Variants in PLPPR1 observed in about 807,000 individuals in gnomAD.
PLPPR1 encodes the protein phospholipid phosphatase related 1, also known as phospholipid phosphatase-related protein type 1.
In PLPPR1, 10 loss-of-function variants were observed where a neutral mutation model predicts 33.1. The observed-to-expected ratio is 0.30, with a 90% confidence interval of 0.19 to 0.51. The LOEUF (loss-of-function observed/expected upper bound fraction) is 0.51, where lower values mean the gene tolerates loss of function less well. PLPPR1 is among the 20% of genes least tolerant of loss of function. The pLI, the probability that PLPPR1 is intolerant of heterozygous loss-of-function variation, is 0.97. For missense variants in PLPPR1, 304 were observed against 408.1 expected, an observed-to-expected ratio of 0.74 and a Z score of 2.20; for synonymous variants, 151 against 151.0, an observed-to-expected ratio of 1.00 and a Z score of 0.00.
chr9:101,042,023 G>A (rs1243444835), intron 1 of PLPPR1, among the ~76,000 whole-genome samples: 1 of 152,044 alleles, frequency 6.6e-6, no homozygotes, highest in Non-Finnish European at 1.5e-5. Flanking sequence ...GGCAGGTGGT[G>A]GAAAGCTAAA....
chr9:101,107,994 G>T lies in PLPPR1; in HGVS notation c.-45-77456G>T, dbSNP rs4743442. 3.4e-5 allele frequency among the ~76,000 whole-genome samples: 5 copies of T among 148,570 alleles called. No individual in the cohort carries two copies. The East Asian group carries it at 8.2e-4, about 24-fold the overall frequency. On this transcript the variant is annotated intron_variant, in intron 1 of 7. Transcript: ENST00000374874. ...CGCTTCCCAGGTGAGGCAATGCCTCGCCCTGCTTCGGCTCGCGCACGGTGC... is the reference window on the plus strand; with the variant it reads ...CGCTTCCCAGGTGAGGCAATGCCTCTCCCTGCTTCGGCTCGCGCACGGTGC...
intron 1 of PLPPR1, among the ~76,000 whole-genome samples, chr9:101,087,791 T>A (rs2118525430): frequency 6.6e-6 from 1 of 152,366 alleles, no homozygotes; most frequent in Non-Finnish European, 1.5e-5. Flanking sequence ...GATCGTAATC[T>A]TTTCTAGAAG....
intron 4 of PLPPR1, among the ~76,000 whole-genome samples, chr9:101,307,026 C>T (rs569463674): frequency 8.5e-5 from 13 of 152,294 alleles, no homozygotes; most frequent in African/African-American, 3.1e-4. Flanking sequence ...CTGCATGGGG[C>T]AGGTGGGCTT....
chr9:101,234,277 T>C (rs1458689866), intron 2 of PLPPR1, among the ~76,000 whole-genome samples: 1 of 151,922 alleles, frequency 6.6e-6, no homozygotes, highest in Non-Finnish European at 1.5e-5. Flanking sequence ...GTAGAAAGTA[T>C]AAGGAGAAGA....
chr9:101,033,929 T>G (rs1054988698), intron 1 of PLPPR1, among the ~76,000 whole-genome samples: 1 of 152,068 alleles, frequency 6.6e-6, no homozygotes, highest in Non-Finnish European at 1.5e-5. Flanking sequence ...TTGAAAAGGT[T>G]GAAAGTAGGG....
chr9:101,111,780 C>T (rs1831060582), intron 1 of PLPPR1, among the ~76,000 whole-genome samples: 1 of 152,146 alleles, frequency 6.6e-6, no homozygotes, highest in African/African-American at 2.4e-5. Flanking sequence ...AGTGCAAATG[C>T]TTGCATTTCT....
chr9:101,141,986 C>T (rs529978745), intron 1 of PLPPR1, among the ~76,000 whole-genome samples: 6 of 152,262 alleles, frequency 3.9e-5, no homozygotes, highest in Admixed American at 3.9e-4. Flanking sequence ...TTCTTGGGCC[C>T]AATTGGTTCT....
intron 1 of PLPPR1, among the ~76,000 whole-genome samples, chr9:101,101,424 A>G (rs953831339): frequency 1.3e-5 from 2 of 151,846 alleles, no homozygotes; most frequent in Admixed American, 6.6e-5. Context: ...TTGTTACTGT[A>G]TGTCACCTTT....
At position 101,046,609 on chromosome 9, in the gene PLPPR1, T is replaced by C. The variant is rs370429119; in HGVS notation, c.-46+17507T>C. 5.3e-5 allele frequency among the ~76,000 whole-genome samples: 8 copies of C among 151,984 alleles called. No individual in the cohort carries two copies. In the South Asian group the frequency reaches 1.7e-3, roughly 32 times the overall value. ...CGTCTGCCACCACGCCCAGCTAATTTTTTTGTGTGTTTTTAGTAGAGACAA... is the reference window on the plus strand; with the variant it reads ...CGTCTGCCACCACGCCCAGCTAATTCTTTTGTGTGTTTTTAGTAGAGACAA... On this transcript the variant is annotated intron_variant, in intron 1 of 7. Coordinates refer to ENST00000374874, the MANE Select transcript of PLPPR1 (RefSeq NM_207299.2).
chr9:101,290,932 C>T (rs538490347), intron 4 of PLPPR1, among the ~76,000 whole-genome samples: 29 of 152,286 alleles, frequency 1.9e-4, no homozygotes, highest in African/African-American at 6.3e-4. Flanking sequence ...AGACAGTGGG[C>T]GCAGGACAGT....
intron 2 of PLPPR1, among the ~76,000 whole-genome samples, chr9:101,203,439 G>C (rs1325345809): frequency 6.6e-6 from 1 of 152,092 alleles, no homozygotes; most frequent in East Asian, 1.9e-4. Flanking sequence ...CTTCATTCTT[G>C]TGTAAACTTG....
intron 1 of PLPPR1, among the ~76,000 whole-genome samples, chr9:101,155,784 G>A (rs950863960): frequency 1.5e-4 from 23 of 152,168 alleles, no homozygotes; most frequent in Admixed American, 1.2e-3. Context: ...ATTTTTAGTA[G>A]AGATGGGGTT....
chr9:101,111,675 C>G (rs1418021401), intron 1 of PLPPR1, among the ~76,000 whole-genome samples: 1 of 152,118 alleles, frequency 6.6e-6, no homozygotes, highest in Non-Finnish European at 1.5e-5. Context: ...CTGTCAGTTA[C>G]TTTGTGAAAA....
At chr9:101,029,219 T>C (rs1205354996) in intron 1 of PLPPR1, 117 bp downstream of exon 1, 1 of 153,470 alleles carries the variant, frequency 6.5e-6, no homozygotes, top group African/African-American at 2.4e-5. Context: ...GCCTTGCTTG[T>C]GGGTGTCGAG....
At chr9:101,223,443 C>G (rs949516533) in intron 2 of PLPPR1, among the ~76,000 whole-genome samples, 1 of 152,026 alleles carries the variant, frequency 6.6e-6, no homozygotes, top group Non-Finnish European at 1.5e-5. Flanking sequence ...AACATCCAGT[C>G]ACTTTAGTTG....
chr9:101,127,254 A>G (rs1202121947), intron 1 of PLPPR1, among the ~76,000 whole-genome samples: 3 of 152,026 alleles, frequency 2.0e-5, no homozygotes, highest in African/African-American at 7.2e-5. Flanking sequence ...GGTCTTTGTC[A>G]CCCCATGTTG....
At chr9:101,087,041 T>A (rs901877063) in intron 1 of PLPPR1, among the ~76,000 whole-genome samples, 1 of 152,022 alleles carries the variant, frequency 6.6e-6, no homozygotes. Context: ...TAGCTAGGCA[T>A]GGTGATGTAC....
At chr9:101,172,154 C>T (rs545154468) in intron 1 of PLPPR1, among the ~76,000 whole-genome samples, 1 of 152,120 alleles carries the variant, frequency 6.6e-6, no homozygotes, top group Non-Finnish European at 1.5e-5. Context: ...TGTTGTGGAA[C>T]TCATATTAGA....
Position 101,294,896 on chromosome 9 carries a change from C to T in PLPPR1, c.385+8660C>T, listed in dbSNP as rs375801045. Among the ~76,000 whole-genome samples, 80 of 152,258 alleles carry T rather than the reference C, an allele frequency of 5.3e-4. No individual in the cohort carries two copies. The South Asian group carries it at 8.3e-3, about 16-fold the overall frequency. ...ATTCCCTTTGAAAACTGGCACAAGA[C>T]AGGGATTCCCTGTCTACTACTCCTA... On this transcript the variant is annotated intron_variant, in intron 4 of 7. Transcript: ENST00000374874.
Sources: allele counts gnomAD v4.1 joint callset (sites outside exome capture counted in the v4.1 genomes callset), GRCh38; gene constraint gnomAD v4.1.1; transcripts MANE v1.5; gene names NCBI Gene and HGNC (gene_info 2026-07-23, HGNC 2026-07-21).